Variants in PDE7B observed in about 807,000 individuals in gnomAD.
PDE7B encodes phosphodiesterase 7B.
A neutral mutation model predicts 56.2 loss-of-function variants in PDE7B; 29 were observed. That is an observed-to-expected ratio of 0.52 (90% CI 0.38 to 0.70). The LOEUF is 0.70. PDE7B is among the 30% of genes least tolerant of loss of function. PDE7B has a pLI of 0.00. For missense variants in PDE7B, 490 were observed against 565.0 expected (o/e 0.87, Z 1.35); for synonymous variants, 197 against 196.9 (o/e 1.00, Z 0.00).
chr6:135,911,080 A>G (rs1446714529), intron 1 of PDE7B, among the ~76,000 whole-genome samples: 2 of 152,246 alleles, frequency 1.3e-5, no homozygotes, highest in Non-Finnish European at 2.9e-5. Flanking sequence ...AAAATGTAAG[A>G]ATTAAAAAGC....
chr6:135,956,846 A>G (rs1476343481), intron 2 of PDE7B, among the ~76,000 whole-genome samples: 1 of 151,878 alleles, frequency 6.6e-6, no homozygotes, highest in Non-Finnish European at 1.5e-5. Flanking sequence ...GGAAGAAAGA[A>G]AGAAAGAAGA....
intron 1 of PDE7B, among the ~76,000 whole-genome samples, chr6:135,873,505 G>A (rs1163045099): frequency 6.6e-6 from 1 of 152,070 alleles, no homozygotes; most frequent in African/African-American, 2.4e-5. Flanking sequence ...CTTTAATATA[G>A]TATGATGTAG....
At position 135,935,190 on chromosome 6, in the gene PDE7B, TTA is replaced by T. The variant is rs60829896; in HGVS notation, c.22-12248_22-12247del. 1.2e-3 allele frequency among the ~76,000 whole-genome samples: 43 copies of T among 36,166 alleles called. 6 individuals are homozygous for T. The highest frequency in any genetic ancestry group is 3.5e-3 in the African/African-American group (29 of 8,352). 23.7% of individuals were successfully genotyped at this position (36,166 alleles called of 152,430 possible). A position where few individuals can be genotyped will look rare whatever the true frequency, so the allele number is the denominator to read the frequency against. On this transcript the variant is annotated intron_variant, in intron 1 of 12. Coordinates refer to ENST00000308191, the MANE Select transcript of PDE7B (RefSeq NM_018945.4). The stretch of plus-strand genomic sequence containing the variant: ...GAGAATTTTATATATATATATTTAT[TTA>T]TATATATATATATATATATATATAT...
At chr6:136,050,545 T>C (rs980589369) in intron 2 of PDE7B, among the ~76,000 whole-genome samples, 2 of 152,186 alleles carry the variant, frequency 1.3e-5, no homozygotes, top group Non-Finnish European at 2.9e-5. Flanking sequence ...TGTGGTCCTT[T>C]TCAGGAGTTC....
intron 2 of PDE7B, chr6:136,070,079 A>G (rs1777020622): frequency 6.6e-6 from 1 of 152,066 alleles, no homozygotes; most frequent in South Asian, 2.1e-4. Flanking sequence ...TGATCAGTTG[A>G]ATAGCTCAAC....
intron 9 of PDE7B, among the ~76,000 whole-genome samples, chr6:136,176,296 C>T (rs1778975773): frequency 6.6e-6 from 1 of 151,960 alleles, no homozygotes. Context: ...AGTAAGTATT[C>T]ATATCTTCAA....
At chr6:136,029,997 T>C (rs1158209894) in intron 2 of PDE7B, among the ~76,000 whole-genome samples, 1 of 152,248 alleles carries the variant, frequency 6.6e-6, no homozygotes, top group Non-Finnish European at 1.5e-5. Flanking sequence ...AAACAACTCC[T>C]AAAATTACCA....
chr6:135,918,981 T>C (rs773195868), intron 1 of PDE7B, among the ~76,000 whole-genome samples: 14 of 152,244 alleles, frequency 9.2e-5, no homozygotes, highest in Non-Finnish European at 1.6e-4. Flanking sequence ...CTGCCTTATG[T>C]ATTCATTTTA....
intron 1 of PDE7B, among the ~76,000 whole-genome samples, chr6:135,895,653 T>C (rs1238566448): frequency 1.3e-5 from 2 of 152,094 alleles, no homozygotes; most frequent in Admixed American, 6.6e-5. Flanking sequence ...AGTAGACTCA[T>C]TGCAACCTGG....
At chr6:135,976,310 C>G (rs1043111883) in intron 2 of PDE7B, among the ~76,000 whole-genome samples, 1 of 152,168 alleles carries the variant, frequency 6.6e-6, no homozygotes, top group African/African-American at 2.4e-5. Context: ...GGAGCAGGAA[C>G]AGAGAGAGCA....
At chr6:135,896,468 G>A (rs1775903580) in intron 1 of PDE7B, among the ~76,000 whole-genome samples, 1 of 152,060 alleles carries the variant, frequency 6.6e-6, no homozygotes, top group Non-Finnish European at 1.5e-5. Flanking sequence ...CTATTTTTCT[G>A]CACCCGTTCC....
chr6:135,971,983 C>A (rs1053473847), intron 2 of PDE7B, among the ~76,000 whole-genome samples: 1 of 151,888 alleles, frequency 6.6e-6, no homozygotes, highest in African/African-American at 2.4e-5. Context: ...GCCTGTAATC[C>A]CAGCACTTTG....
chr6:136,100,161 G>A (rs571227009), intron 2 of PDE7B, among the ~76,000 whole-genome samples: 17 of 152,262 alleles, frequency 1.1e-4, no homozygotes, highest in Non-Finnish European at 1.8e-4. Flanking sequence ...GTACCATGCC[G>A]TTTTGGTTAC....
intron 8 of PDE7B, among the ~76,000 whole-genome samples, chr6:136,173,536 G>A (rs1349163025): frequency 1.3e-5 from 2 of 152,206 alleles, no homozygotes; most frequent in South Asian, 2.1e-4. Flanking sequence ...AGGCAGGAGT[G>A]AATGATGCTG....
At chr6:135,978,711 C>T (rs560655965) in intron 2 of PDE7B, among the ~76,000 whole-genome samples, 23 of 151,836 alleles carry the variant, frequency 1.5e-4, no homozygotes, top group Non-Finnish European at 7.4e-5. Context: ...TGTTAAAAAC[C>T]GAGACACATT....
At chr6:136,048,072 GTGGA>G (rs200659902) in intron 2 of PDE7B, among the ~76,000 whole-genome samples, 62 of 146,734 alleles carry the variant, frequency 4.2e-4, no homozygotes, top group Admixed American at 3.8e-3. Context: ...GGATGGATGG[GTGGA>G]TGGATAGATA....
chr6:135,980,699 G>T (rs1307514192), intron 2 of PDE7B, among the ~76,000 whole-genome samples: 50 of 150,558 alleles, frequency 3.3e-4, no homozygotes, highest in African/African-American at 1.2e-3. Context: ...ACCATCACTG[G>T]CCATCAGAGA....
At chr6:136,082,915 A>T (rs1777230186) in intron 2 of PDE7B, among the ~76,000 whole-genome samples, 1 of 152,258 alleles carries the variant, frequency 6.6e-6, no homozygotes, top group South Asian at 2.1e-4. Flanking sequence ...ATTAACTCCC[A>T]GATGTCCACC....
At chr6:136,078,829 A>C (rs180944359) in intron 2 of PDE7B, among the ~76,000 whole-genome samples, 2 of 152,336 alleles carry the variant, frequency 1.3e-5, no homozygotes, top group East Asian at 3.9e-4. Flanking sequence ...TAATTTAAAA[A>C]AATCTATATG....
Sources: allele counts gnomAD v4.1 joint callset (sites outside exome capture counted in the v4.1 genomes callset), GRCh38; gene constraint gnomAD v4.1.1; transcripts MANE v1.5; gene names NCBI Gene and HGNC (gene_info 2026-07-23, HGNC 2026-07-21).